The following STAG1 variants were observed in gnomAD, a reference collection of about 807,000 sequenced individuals.
STAG1 encodes the protein cohesin subunit SA-1.
In STAG1, 26 loss-of-function variants were observed where a neutral mutation model predicts 170.9. That is an observed-to-expected ratio of 0.15 (90% CI 0.11 to 0.21). The LOEUF (loss-of-function observed/expected upper bound fraction) is 0.21, where lower values mean the gene tolerates loss of function less well. Ranked by LOEUF, STAG1 falls within the 10% of genes least tolerant of loss-of-function variation. The pLI, the probability that STAG1 is intolerant of heterozygous loss-of-function variation, is 1.00. For missense variants in STAG1, 964 were observed against 1,509.5 expected (o/e 0.64, Z 5.99); for synonymous variants, 514 against 497.7 (o/e 1.03, Z -0.44).
chr3:136,338,464 T>C lies in STAG1; in HGVS notation c.3673-14A>G. 6.2e-7 allele frequency: 1 copy of C among 1,608,806 alleles called. No individual in the cohort carries two copies. Among genetic ancestry groups the C allele is most frequent in the Non-Finnish European group, 8.5e-7 (1 of 1,175,828 alleles). On this transcript the variant is annotated splice_polypyrimidine_tract_variant and intron_variant, in intron 32 of 33. Transcript: ENST00000383202. ...TCTTGATGGAGGCTGGAAAGAGAAA[T>C]CGGTTTCTTAATTTTTTTCTGAGAT...
chr3:136,338,014 T>C lies in STAG1; in HGVS notation c.*240A>G. ...ACACACACATCTGTATTGGGATAAGTCCAATAGTAGGACACAAATGATTTT... is the reference window on the plus strand; with the variant it reads ...ACACACACATCTGTATTGGGATAAGCCCAATAGTAGGACACAAATGATTTT... On this transcript the variant is annotated 3_prime_UTR_variant, in exon 34 of 34. Transcript: ENST00000383202. 1 of 503,818 alleles carries C rather than the reference T, an allele frequency of 2.0e-6. No individual in the cohort carries two copies. 31.2% of individuals were successfully genotyped at this position (503,818 alleles called of 1,614,324 possible). A position where few individuals can be genotyped will look rare whatever the true frequency, so the allele number is the denominator to read the frequency against.
intron 1 of STAG1, among the ~76,000 whole-genome samples, chr3:136,668,833 A>T (rs1267089243): frequency 1.3e-5 from 2 of 152,226 alleles, no homozygotes; most frequent in Non-Finnish European, 2.9e-5. Context: ...ACTCCTCAAT[A>T]GAGACTTCCT....
At chr3:136,496,937 A>G (rs763645544) in intron 9 of STAG1, among the ~76,000 whole-genome samples, 2 of 152,076 alleles carry the variant, frequency 1.3e-5, no homozygotes, top group Non-Finnish European at 2.9e-5. Context: ...AGAGAGAGAG[A>G]GATGTTAAAT....
chr3:136,687,737 ATT>A (rs397876527), intron 1 of STAG1, among the ~76,000 whole-genome samples: 32 of 141,704 alleles, frequency 2.3e-4, no homozygotes, highest in Admixed American at 2.1e-4. Flanking sequence ...GAAGAGACCA[ATT>A]TTTTTTTTTT....
At chr3:136,640,125 GTTC>G (rs1288176323) in intron 1 of STAG1, among the ~76,000 whole-genome samples, 1 of 152,110 alleles carries the variant, frequency 6.6e-6, no homozygotes, top group Non-Finnish European at 1.5e-5. Flanking sequence ...GAATAAATGA[GTTC>G]TTAATAAATT....
chr3:136,450,511 C>T (rs1022154103), intron 14 of STAG1, among the ~76,000 whole-genome samples: 9 of 152,344 alleles, frequency 5.9e-5, no homozygotes, highest in African/African-American at 2.2e-4. Flanking sequence ...TAACACCCTT[C>T]ACTCCACTGA....
intron 3 of STAG1, among the ~76,000 whole-genome samples, chr3:136,622,188 T>A (rs1010101019): frequency 1.0e-4 from 15 of 144,010 alleles, no homozygotes; most frequent in African/African-American, 3.9e-4. Flanking sequence ...GGCATGATGG[T>A]GAGGGCCTAT....
chr3:136,576,704 A>G (rs988664610), intron 4 of STAG1, among the ~76,000 whole-genome samples: 1 of 152,186 alleles, frequency 6.6e-6, no homozygotes, highest in African/African-American at 2.4e-5. Flanking sequence ...AAATCTGCCT[A>G]AGCTCCCTGT....
intron 15 of STAG1, among the ~76,000 whole-genome samples, chr3:136,438,989 T>C (rs924696191): frequency 2.0e-5 from 3 of 151,480 alleles, no homozygotes; most frequent in Non-Finnish European, 4.4e-5. Flanking sequence ...TTGAGGTCAG[T>C]AGTTCGAGAC....
chr3:136,620,947 G>A (rs1939818547), intron 3 of STAG1, among the ~76,000 whole-genome samples: 1 of 152,124 alleles, frequency 6.6e-6, no homozygotes, highest in Admixed American at 6.5e-5. Context: ...CAACATTGGT[G>A]AAACCCCATC....
chr3:136,536,990 A>G (rs1327155017), intron 6 of STAG1, among the ~76,000 whole-genome samples: 1 of 152,204 alleles, frequency 6.6e-6, no homozygotes, highest in Admixed American at 6.5e-5. Context: ...TCCCCAATAG[A>G]TCGAACTGCA....
intron 1 of STAG1, among the ~76,000 whole-genome samples, chr3:136,703,643 T>G (rs1943142071): frequency 6.6e-6 from 1 of 152,142 alleles, no homozygotes; most frequent in Non-Finnish European, 1.5e-5. Flanking sequence ...CACACACAAA[T>G]AGCAAAGTGG....
intron 4 of STAG1, among the ~76,000 whole-genome samples, chr3:136,591,121 T>C (rs1293032113): frequency 2.0e-5 from 3 of 150,284 alleles, no homozygotes; most frequent in African/African-American, 4.9e-5. Flanking sequence ...AAAGACAAAA[T>C]ATGTACAAAC....
chr3:136,697,993 T>C (rs1244824513), intron 1 of STAG1, among the ~76,000 whole-genome samples: 1 of 151,224 alleles, frequency 6.6e-6, no homozygotes, highest in Non-Finnish European at 1.5e-5. Flanking sequence ...ATTATAACTA[T>C]ATAGACAGAG....
At chr3:136,557,082 C>A (rs1479051895) in intron 5 of STAG1, among the ~76,000 whole-genome samples, 1 of 151,898 alleles carries the variant, frequency 6.6e-6, no homozygotes, top group Non-Finnish European at 1.5e-5. Flanking sequence ...AAATCCCAAA[C>A]AATTAGCCAG....
At chr3:136,433,453 A>AC (rs1344564972) in intron 16 of STAG1, 103 bp downstream of exon 16, 2 of 796,814 alleles carry the variant, frequency 2.5e-6, no homozygotes, top group Non-Finnish European at 4.1e-6. Context: ...TTATAAAAAC[A>AC]CCATGTTTTT....
chr3:136,367,837 T>C (rs571992910), intron 24 of STAG1, among the ~76,000 whole-genome samples: 70 of 152,300 alleles, frequency 4.6e-4, no homozygotes, highest in African/African-American at 1.6e-3. Flanking sequence ...AGTGTGTTTC[T>C]TCCTCAAATT....
At chr3:136,338,513 A>G (rs1330611608) in intron 32 of STAG1, 63 bp from the exon 33 acceptor site, 2 of 1,192,930 alleles carry the variant, frequency 1.7e-6, no homozygotes, top group Non-Finnish European at 2.5e-6. Flanking sequence ...AATTGTGATA[A>G]TCAGCTAATA....
chr3:136,586,355 A>G (rs1363978222), intron 4 of STAG1, among the ~76,000 whole-genome samples: 1 of 152,200 alleles, frequency 6.6e-6, no homozygotes, highest in African/African-American at 2.4e-5. Context: ...CTATATATAT[A>G]GGGATAAAGC....
Sources: allele counts gnomAD v4.1 joint callset (sites outside exome capture counted in the v4.1 genomes callset), GRCh38; gene constraint gnomAD v4.1.1; transcripts MANE v1.5; gene names NCBI Gene and HGNC (gene_info 2026-07-23, HGNC 2026-07-21).